The following LRRC28 variants were observed in gnomAD, a reference collection of about 807,000 sequenced individuals.
The protein encoded by LRRC28 is leucine rich repeat containing 28, also known as leucine-rich repeat-containing protein 28.
A neutral mutation model predicts 45.7 loss-of-function variants in LRRC28; 39 were observed. The observed-to-expected ratio is 0.85, with a 90% CI of 0.66 to 1.12. The LOEUF (loss-of-function observed/expected upper bound fraction) is 1.12. Among genes scored for constraint, LRRC28 ranks in the 50% most tolerant of loss-of-function variants. LRRC28 has a pLI of 0.00. For synonymous variants in LRRC28, 206 were observed against 178.8 expected (o/e 1.15, Z -1.22); for missense variants, 435 against 438.5 (o/e 0.99, Z 0.07).
At chr15:99,291,966 C>G (rs2082132957) in intron 5 of LRRC28, among the ~76,000 whole-genome samples, 1 of 152,148 alleles carries the variant, frequency 6.6e-6, no homozygotes, top group Non-Finnish European at 1.5e-5. Context: ...ATGGGCTATT[C>G]CAAATCTTTT....
intron 5 of LRRC28, among the ~76,000 whole-genome samples, chr15:99,305,058 G>C (rs1955133082): frequency 6.6e-6 from 1 of 152,134 alleles, no homozygotes; most frequent in Non-Finnish European, 1.5e-5. Context: ...TTAGCGGTAG[G>C]AGTTGAGCCA....
intron 7 of LRRC28, among the ~76,000 whole-genome samples, chr15:99,356,946 C>T (rs73464664): frequency 6.6e-6 from 1 of 152,142 alleles, no homozygotes; most frequent in East Asian, 1.9e-4. Context: ...ATTCTCAGAA[C>T]AAAACTTAGC....
chr15:99,254,140 A>T (rs546671774), intron 1 of LRRC28, among the ~76,000 whole-genome samples: 1 of 152,334 alleles, frequency 6.6e-6, no homozygotes, highest in East Asian at 1.9e-4. Flanking sequence ...CATTGATGTT[A>T]TTTGTAGTCT....
intron 7 of LRRC28, chr15:99,361,125 A>G (rs746638895): frequency 1.9e-5 from 9 of 464,342 alleles, no homozygotes; most frequent in Middle Eastern, 5.8e-4. Context: ...GGCCTCAGCA[A>G]TGATTTAGCT....
At chr15:99,306,248 G>A (rs551752847) in intron 5 of LRRC28, among the ~76,000 whole-genome samples, 5 of 152,190 alleles carry the variant, frequency 3.3e-5, no homozygotes, top group Admixed American at 6.5e-5. Context: ...AACTGTGCAC[G>A]ACTGGGCAGG....
chr15:99,280,760 T>C (rs2081763689), intron 3 of LRRC28, among the ~76,000 whole-genome samples: 1 of 152,150 alleles, frequency 6.6e-6, no homozygotes, highest in South Asian at 2.1e-4. Context: ...TTTATCAAAT[T>C]TGGAAAACTT....
chr15:99,361,238 A>G (rs937271024), intron 7 of LRRC28, 98 bp from the exon 8 acceptor site: 62 of 1,400,904 alleles, frequency 4.4e-5, no homozygotes, highest in Admixed American at 7.3e-5. Flanking sequence ...CAGCAGTGTC[A>G]TAAATTTTCA....
At chr15:99,320,676 A>G (rs1213316812) in intron 5 of LRRC28, 1 of 152,178 alleles carries the variant, frequency 6.6e-6, no homozygotes, top group African/African-American at 2.4e-5. Context: ...ACCCCTTCAG[A>G]CTTACTGGAT....
At chr15:99,376,284 A>G (rs1957629386) in intron 9 of LRRC28, among the ~76,000 whole-genome samples, 1 of 151,748 alleles carries the variant, frequency 6.6e-6, no homozygotes, top group South Asian at 2.1e-4. Context: ...GTGTTTGAAG[A>G]TTTTCCTCTT....
chr15:99,319,899 G>C (rs1040369509), intron 5 of LRRC28, among the ~76,000 whole-genome samples: 1 of 152,000 alleles, frequency 6.6e-6, no homozygotes, highest in African/African-American at 2.4e-5. Context: ...TGCCTCCTGG[G>C]TTCAAGCTAT....
chr15:99,291,631 A>G (rs997463482), intron 5 of LRRC28, among the ~76,000 whole-genome samples: 2 of 152,200 alleles, frequency 1.3e-5, no homozygotes, highest in Non-Finnish European at 2.9e-5. Flanking sequence ...CCATGCTGAG[A>G]CTTGTCACAT....
chr15:99,364,851 A>G (rs71403446), intron 9 of LRRC28, among the ~76,000 whole-genome samples: 1,616 of 152,342 alleles, frequency 0.011, 15 homozygotes, highest in Non-Finnish European at 0.015. Context: ...TTTGTAGTTT[A>G]GAGATTTTTT....
chr15:99,258,416 A>T, intron 2 of LRRC28: 1 of 948,166 alleles, frequency 1.1e-6, no homozygotes, highest in Non-Finnish European at 1.7e-6. Flanking sequence ...TACAATTAAA[A>T]ATCTCATCAA....
chr15:99,334,191 G>T (rs1055487927), intron 6 of LRRC28, 62 bp downstream of exon 6: 194 of 1,567,772 alleles, frequency 1.2e-4, no homozygotes, highest in Middle Eastern at 1.7e-4. Context: ...TTGTTTCTTT[G>T]ACTAGAACCA....
At chr15:99,322,262 G>A (rs555264593) in intron 5 of LRRC28, among the ~76,000 whole-genome samples, 1 of 152,248 alleles carries the variant, frequency 6.6e-6, no homozygotes, top group African/African-American at 2.4e-5. Context: ...AGAGTCTGGG[G>A]GCAGGAAAGG....
rs1251871151 is a variant in LRRC28 at position 99,388,003 on chromosome 15, C to T, written c.*1901C>T. The T allele has an allele frequency of 6.6e-6, 1 of 152,224 alleles. No homozygotes were observed. The highest frequency in any genetic ancestry group is 2.4e-5 in the African/African-American group (1 of 41,456). 9.4% of individuals were successfully genotyped at this position (152,224 alleles called of 1,614,324 possible). Reference sequence around the variant, plus strand: ...CACTGTATCTGCACTGTTCTTACTTCCTCTTGTCCCTTTTCATATCTTGGT... The same window carrying T: ...CACTGTATCTGCACTGTTCTTACTTTCTCTTGTCCCTTTTCATATCTTGGT... On this transcript the variant is annotated 3_prime_UTR_variant, in exon 10 of 10. Transcript: ENST00000301981.
chr15:99,386,482 C>T lies in LRRC28; in HGVS notation c.*380C>T, dbSNP rs77098534. 7.1e-4 allele frequency: 36 copies of T among 50,654 alleles called. No homozygotes were observed. The highest frequency in any genetic ancestry group is 3.2e-3 in the South Asian group (5 of 1,576). The allele number at this position is 50,654 out of a possible 1,614,324, so 3.1% of individuals were successfully genotyped here. A position where few individuals can be genotyped will look rare whatever the true frequency, so the allele number is the denominator to read the frequency against. The stretch of plus-strand genomic sequence containing the variant: ...TTCAGTGATGCTTCCTCTCCTCTCC[C>T]CTCCCTTGCTTTCCCCAGAGAGTTA... On this transcript the variant is annotated 3_prime_UTR_variant, in exon 10 of 10. Transcript: ENST00000301981.
At chr15:99,304,365 T>C (rs1955101018) in intron 5 of LRRC28, among the ~76,000 whole-genome samples, 1 of 152,214 alleles carries the variant, frequency 6.6e-6, no homozygotes, top group Non-Finnish European at 1.5e-5. Context: ...AATTGGGGTG[T>C]CTTTTGAAGA....
intron 6 of LRRC28, among the ~76,000 whole-genome samples, chr15:99,347,271 G>A (rs1157902545): frequency 6.6e-6 from 1 of 151,298 alleles, no homozygotes; most frequent in African/African-American, 2.4e-5. Context: ...GTGCAGTGGT[G>A]CTATCTCGGC....
Sources: allele counts gnomAD v4.1 joint callset (sites outside exome capture counted in the v4.1 genomes callset), GRCh38; gene constraint gnomAD v4.1.1; transcripts MANE v1.5; gene names NCBI Gene and HGNC (gene_info 2026-07-23, HGNC 2026-07-21).